MEI4: variants seen among roughly 807,000 people sequenced by gnomAD.
MEI4 encodes meiotic double-stranded break formation protein 4, also known as meiosis-specific protein MEI4.
A neutral mutation model predicts 31.4 loss-of-function variants in MEI4; 27 were observed. That is an observed-to-expected ratio of 0.86 (90% CI 0.63 to 1.19). The LOEUF is 1.19. Ranked by LOEUF, MEI4 falls within the 50% of genes most tolerant of loss-of-function variation. The probability of loss-of-function intolerance (pLI) is 0.00; values close to 1 mark genes in which losing one functional copy is unlikely to be tolerated. For missense variants in MEI4, 329 were observed against 398.9 expected (o/e 0.82, Z 1.49); for synonymous variants, 122 against 145.4 (o/e 0.84, Z 1.16).
At chr6:77,771,636 G>A (rs1768321686) in intron 3 of MEI4, among the ~76,000 whole-genome samples, 1 of 152,044 alleles carries the variant, frequency 6.6e-6, no homozygotes, top group South Asian at 2.1e-4. Context: ...GTTCATTGCA[G>A]CAACATGGAT....
At chr6:77,878,566 A>G (rs1475611752) in intron 4 of MEI4, among the ~76,000 whole-genome samples, 1 of 152,142 alleles carries the variant, frequency 6.6e-6, no homozygotes, top group Non-Finnish European at 1.5e-5. Flanking sequence ...ATCCTAAATC[A>G]TAAATAACCA....
chr6:77,651,886 G>A (rs1036850670), upstream of MEI4, among the ~76,000 whole-genome samples: 3 of 152,116 alleles, frequency 2.0e-5, no homozygotes, highest in African/African-American at 4.8e-5. Flanking sequence ...TTTGGAATCA[G>A]CTTTGCAAAA....
At chr6:77,765,163 C>T (rs1226769888) in intron 3 of MEI4, among the ~76,000 whole-genome samples, 1 of 152,146 alleles carries the variant, frequency 6.6e-6, no homozygotes, top group Non-Finnish European at 1.5e-5. Context: ...GTGACCACTT[C>T]ATCGGGCTAA....
chr6:77,658,553 G>A (rs910800675), intron 1 of MEI4, among the ~76,000 whole-genome samples: 2 of 152,030 alleles, frequency 1.3e-5, no homozygotes, highest in Admixed American at 6.6e-5. Context: ...GAGAGAGAGT[G>A]GGCGATGTTT....
intron 2 of MEI4, among the ~76,000 whole-genome samples, chr6:77,695,430 T>A (rs1766001493): frequency 6.6e-6 from 1 of 152,218 alleles, no homozygotes; most frequent in African/African-American, 2.4e-5. Flanking sequence ...CATCTTGAAT[T>A]AATTCTTGTA....
At chr6:77,818,696 A>C (rs907707029) in intron 3 of MEI4, among the ~76,000 whole-genome samples, 6 of 152,050 alleles carry the variant, frequency 3.9e-5, no homozygotes, top group Non-Finnish European at 8.8e-5. Flanking sequence ...AATTTTACCT[A>C]TTCGTACATT....
At chr6:77,828,717 CCT>C (rs1770013300) in intron 3 of MEI4, among the ~76,000 whole-genome samples, 1 of 151,920 alleles carries the variant, frequency 6.6e-6, no homozygotes, top group Non-Finnish European at 1.5e-5. Flanking sequence ...ATTTTAGCAC[CCT>C]GTTTCATGTT....
chr6:77,731,126 C>A (rs1766976300), intron 2 of MEI4, among the ~76,000 whole-genome samples: 2 of 151,850 alleles, frequency 1.3e-5, no homozygotes, highest in African/African-American at 4.9e-5. Context: ...GATTTATAAT[C>A]CTTTGGGTAC....
At position 77,924,781 on chromosome 6, in the gene MEI4, A is replaced by ATTGT. The variant is rs1581988559; in HGVS notation, c.*1436_*1439dup. 2.0e-5 allele frequency: 3 copies of ATTGT among 151,976 alleles called. No homozygotes were observed. The East Asian group carries it at 5.8e-4, about 29-fold the overall frequency. 9.4% of individuals were successfully genotyped at this position (151,976 alleles called of 1,614,324 possible). On this transcript the variant is annotated 3_prime_UTR_variant, in exon 5 of 5. Transcript: ENST00000684080. Reference sequence around the variant, plus strand: ...CACATTAGCACTTCCATCCACATGCATTGTCAAAGTACATCAAATGGTCAA... The same window carrying ATTGT: ...CACATTAGCACTTCCATCCACATGCATTGTTTGTCAAAGTACATCAAATGGTCAA...
At chr6:77,914,120 T>C (rs1344918756) in intron 4 of MEI4, among the ~76,000 whole-genome samples, 1 of 151,350 alleles carries the variant, frequency 6.6e-6, no homozygotes, top group East Asian at 1.9e-4. Flanking sequence ...CTTTATTAGT[T>C]TTTTTTTTCT....
At chr6:77,831,857 T>G (rs1770091206) in intron 4 of MEI4, among the ~76,000 whole-genome samples, 4 of 152,088 alleles carry the variant, frequency 2.6e-5, no homozygotes, top group Admixed American at 2.0e-4. Flanking sequence ...ATATAGTTAA[T>G]TATAACTAAA....
Position 77,875,057 on chromosome 6 carries a change from C to A in MEI4, c.900+45995C>A, listed in dbSNP as rs936436282. On this transcript the variant is annotated intron_variant, in intron 4 of 4. Transcript: ENST00000684080. ...ACATGGACCTGGTCATCTAACCCACCTCATGCTAATTTTTCTACCTGGATT... is the reference window on the plus strand; with the variant it reads ...ACATGGACCTGGTCATCTAACCCACATCATGCTAATTTTTCTACCTGGATT... 3.9e-5 allele frequency among the ~76,000 whole-genome samples: 6 copies of A among 152,156 alleles called. No individual in the cohort carries two copies. In the East Asian group the frequency reaches 1.2e-3, roughly 29 times the overall value.
intron 4 of MEI4, among the ~76,000 whole-genome samples, chr6:77,889,740 G>T (rs535436960): frequency 6.6e-6 from 1 of 152,212 alleles, no homozygotes; most frequent in Non-Finnish European, 1.5e-5. Flanking sequence ...TCCTAGAAGA[G>T]AAAAATGGTT....
At chr6:77,652,175 T>C (rs937712899), upstream of MEI4, among the ~76,000 whole-genome samples, 2 of 152,146 alleles carry the variant, frequency 1.3e-5, no homozygotes, top group African/African-American at 4.8e-5. Flanking sequence ...TTGTGGAGAA[T>C]AGATTGGAGG....
At chr6:77,686,103 C>T (rs1769049384) in intron 1 of MEI4, among the ~76,000 whole-genome samples, 1 of 152,118 alleles carries the variant, frequency 6.6e-6, no homozygotes, top group African/African-American at 2.4e-5. Flanking sequence ...CACACTAGCT[C>T]CCTGTGCCTT....
chr6:77,687,102 G>A (rs1769071956), intron 1 of MEI4, among the ~76,000 whole-genome samples: 1 of 151,820 alleles, frequency 6.6e-6, no homozygotes, highest in Non-Finnish European at 1.5e-5. Context: ...AAAATCCAAG[G>A]TCATATGTAA....
intron 4 of MEI4, among the ~76,000 whole-genome samples, chr6:77,885,800 G>A (rs1202245215): frequency 6.6e-6 from 1 of 151,912 alleles, no homozygotes; most frequent in East Asian, 1.9e-4. Flanking sequence ...TGTTAGCTGT[G>A]GGTTTTTATA....
chr6:77,772,691 T>C (rs1383128958), intron 3 of MEI4, among the ~76,000 whole-genome samples: 3 of 151,980 alleles, frequency 2.0e-5, no homozygotes, highest in South Asian at 2.1e-4. Flanking sequence ...CAACATAGTA[T>C]TGGAAATTCT....
At chr6:77,736,670 A>G (rs969027959) in intron 2 of MEI4, among the ~76,000 whole-genome samples, 1 of 152,024 alleles carries the variant, frequency 6.6e-6, no homozygotes, top group Admixed American at 6.5e-5. Context: ...CCCTTAATTC[A>G]GTATTTGTGA....
Sources: allele counts gnomAD v4.1 joint callset (sites outside exome capture counted in the v4.1 genomes callset), GRCh38; gene constraint gnomAD v4.1.1; transcripts MANE v1.5; gene names NCBI Gene and HGNC (gene_info 2026-07-23, HGNC 2026-07-21).